DCC: variants seen among roughly 807,000 people sequenced by gnomAD.
The protein encoded by DCC is netrin receptor DCC.
DCC carries 58 observed loss-of-function variants against 172.5 expected under a neutral mutation model. The observed-to-expected ratio is 0.34, with a 90% CI of 0.27 to 0.42. The LOEUF (loss-of-function observed/expected upper bound fraction) is 0.42. Among genes scored for constraint, DCC ranks in the 10% least tolerant of loss-of-function variants. The probability of loss-of-function intolerance (pLI) is 1.00; values close to 1 mark genes in which losing one functional copy is unlikely to be tolerated. For synonymous variants in DCC, 709 were observed against 644.5 expected (o/e 1.10, Z -1.52); for missense variants, 1,740 against 1,791.0 (o/e 0.97, Z 0.51).
chr18:53,369,349 C>T (rs1046722418), intron 15 of DCC, among the ~76,000 whole-genome samples: 3 of 151,820 alleles, frequency 2.0e-5, no homozygotes, highest in Non-Finnish European at 4.4e-5. Context: ...AATCTTTACA[C>T]TTGATTTTAG....
chr18:53,524,990 A>T (rs568988420), intron 27 of DCC, among the ~76,000 whole-genome samples: 2 of 152,180 alleles, frequency 1.3e-5, no homozygotes, highest in East Asian at 3.9e-4. Context: ...TAATATTAAA[A>T]ATAGCCCTCA....
chr18:52,859,688 T>A (rs917586947), intron 2 of DCC, among the ~76,000 whole-genome samples: 3 of 152,200 alleles, frequency 2.0e-5, no homozygotes, highest in Non-Finnish European at 4.4e-5. Flanking sequence ...AGGTTTTCTC[T>A]ACATATGCTC....
chr18:53,118,393 C>T (rs973471819), intron 7 of DCC, among the ~76,000 whole-genome samples: 1 of 151,698 alleles, frequency 6.6e-6, no homozygotes, highest in African/African-American at 2.4e-5. Context: ...TCAGATGTCA[C>T]GCATAAAGAA....
intron 12 of DCC, among the ~76,000 whole-genome samples, chr18:53,284,441 A>G (rs540898505): frequency 5.9e-4 from 90 of 152,112 alleles, no homozygotes; most frequent in Non-Finnish European, 1.1e-3. Flanking sequence ...TATGGTTTTA[A>G]AAATGGGGGT....
At chr18:52,391,181 T>C (rs1468616362) in intron 1 of DCC, among the ~76,000 whole-genome samples, 1 of 152,072 alleles carries the variant, frequency 6.6e-6, no homozygotes, top group Admixed American at 6.6e-5. Context: ...CAAGCTACAA[T>C]AGTTTATAAG....
intron 7 of DCC, among the ~76,000 whole-genome samples, chr18:53,128,544 C>T (rs1325451791): frequency 6.6e-6 from 1 of 151,964 alleles, no homozygotes; most frequent in Middle Eastern, 3.2e-3. Flanking sequence ...TCTTAGTACC[C>T]AGTGTTTTCA....
At chr18:52,905,615 C>T (rs891360736) in intron 2 of DCC, among the ~76,000 whole-genome samples, 3 of 152,140 alleles carry the variant, frequency 2.0e-5, no homozygotes, top group African/African-American at 4.8e-5. Context: ...CTTCATAATC[C>T]TTTGTCCAAA....
In DCC at chr18:53,008,483, AC is replaced by A. The variant is rs542882394; in HGVS notation, c.986-54820del. Among the ~76,000 whole-genome samples the A allele has an allele frequency of 3.6e-4, 55 of 152,030 alleles. 1 individual carries two copies. Among genetic ancestry groups the A allele is most frequent in the Middle Eastern group, 3.4e-3 (1 of 294 alleles). On this transcript the variant is annotated intron_variant, in intron 5 of 28. Coordinates refer to ENST00000442544, the MANE Select transcript of DCC (RefSeq NM_005215.4). ...TATTCTCTGGGGAAAATAATTAGAA[AC>A]CTTTTTTGTTCTACGTAACGGGTTC...
chr18:52,897,805 C>G (rs759394561), intron 2 of DCC, among the ~76,000 whole-genome samples: 1 of 151,976 alleles, frequency 6.6e-6, no homozygotes, highest in African/African-American at 2.4e-5. Context: ...CAGCCAACCA[C>G]CTGGGAGTCT....
At chr18:53,257,550 C>G (rs1213500476) in intron 12 of DCC, among the ~76,000 whole-genome samples, 1 of 152,158 alleles carries the variant, frequency 6.6e-6, no homozygotes, top group African/African-American at 2.4e-5. Context: ...CCTTGCATCC[C>G]AGGGATGAAG....
At chr18:52,465,704 T>C (rs949618535) in intron 1 of DCC, among the ~76,000 whole-genome samples, 1 of 151,806 alleles carries the variant, frequency 6.6e-6, no homozygotes, top group Admixed American at 6.7e-5. Context: ...GTTCAAGGCA[T>C]TTCTTGAAGG....
intron 1 of DCC, among the ~76,000 whole-genome samples, chr18:52,637,377 A>G (rs1473300272): frequency 2.0e-5 from 3 of 152,236 alleles, no homozygotes; most frequent in African/African-American, 7.2e-5. Context: ...GGGAGGGACT[A>G]GAGAAAGACA....
chr18:52,462,918 C>T (rs1988675032), intron 1 of DCC, among the ~76,000 whole-genome samples: 2 of 152,120 alleles, frequency 1.3e-5, no homozygotes, highest in African/African-American at 4.8e-5. Flanking sequence ...CTGACAGTTC[C>T]TAACTGTAAC....
intron 5 of DCC, among the ~76,000 whole-genome samples, chr18:52,967,908 C>A (rs2040961850): frequency 6.6e-6 from 1 of 152,034 alleles, no homozygotes; most frequent in African/African-American, 2.4e-5. Flanking sequence ...GTAATATATG[C>A]CTATGTAGTT....
chr18:52,613,958 A>G (rs1452424335), intron 1 of DCC, among the ~76,000 whole-genome samples: 14 of 152,210 alleles, frequency 9.2e-5, no homozygotes. Context: ...CAGTTAGGAT[A>G]GAAATGTTGG....
At chr18:53,312,610 CAGGAG>C (rs1216779802) in intron 13 of DCC, among the ~76,000 whole-genome samples, 2 of 150,930 alleles carry the variant, frequency 1.3e-5, no homozygotes, top group Non-Finnish European at 1.5e-5. Context: ...GAGGGCAGAT[CAGGAG>C]GTCAGGAGAT....
At chr18:52,584,343 A>G (rs1361194996) in intron 1 of DCC, among the ~76,000 whole-genome samples, 2 of 152,202 alleles carry the variant, frequency 1.3e-5, no homozygotes, top group East Asian at 3.9e-4. Context: ...GTTTAGATAC[A>G]GTAAGAACAT....
intron 2 of DCC, among the ~76,000 whole-genome samples, chr18:52,790,361 T>C (rs1187508941): frequency 6.6e-6 from 1 of 152,160 alleles, no homozygotes; most frequent in Non-Finnish European, 1.5e-5. Context: ...CAAATCCCTT[T>C]TCATTAATTT....
In DCC at chr18:53,530,957, T is replaced by A. The variant is rs898714469; in HGVS notation, c.*304T>A. The A allele has an allele frequency of 2.1e-6, 1 of 477,284 alleles. No individual in the cohort carries two copies. The highest frequency in any genetic ancestry group is 2.0e-5 in the African/African-American group (1 of 51,032). 29.6% of individuals were successfully genotyped at this position (477,284 alleles called of 1,614,324 possible). On this transcript the variant is annotated 3_prime_UTR_variant, in exon 29 of 29. Coordinates refer to ENST00000442544, the MANE Select transcript of DCC (RefSeq NM_005215.4). ...GCCTTTGTCACTGCAGTGACCACAC[T>A]GTCATAACTAATACCTATGTTTTCC...
Sources: gnomAD v4.1 joint callset for allele counts (sites outside exome capture counted in the v4.1 genomes callset) on GRCh38, gnomAD v4.1.1 for gene constraint, MANE v1.5 for transcripts, NCBI Gene and HGNC (gene_info 2026-07-23, HGNC 2026-07-21) for gene names.